The following SLC14A2 variants were observed in gnomAD, a reference collection of about 807,000 sequenced individuals.
The protein encoded by SLC14A2 is urea transporter 2.
SLC14A2 carries 91 observed loss-of-function variants against 104.6 expected under a neutral mutation model. That is an observed-to-expected ratio of 0.87 (90% CI 0.73 to 1.04). The LOEUF is 1.04. SLC14A2 is among the 50% of genes least tolerant of loss of function. The probability of loss-of-function intolerance (pLI) is 0.00; values close to 1 mark genes in which losing one functional copy is unlikely to be tolerated. For synonymous variants in SLC14A2, 476 were observed against 466.4 expected, an observed-to-expected ratio of 1.02 and a Z score of -0.27; for missense variants, 1,189 against 1,156.0, an observed-to-expected ratio of 1.03 and a Z score of -0.41.
At chr18:45,430,104 C>T (rs2086491249) in intron 1 of SLC14A2, among the ~76,000 whole-genome samples, 2 of 152,168 alleles carry the variant, frequency 1.3e-5, no homozygotes, top group South Asian at 4.1e-4. Context: ...CCTTTTTCTT[C>T]AAATGTTTAA....
At chr18:45,593,792 T>G (rs780090532) in intron 2 of SLC14A2, among the ~76,000 whole-genome samples, 11 of 152,212 alleles carry the variant, frequency 7.2e-5, no homozygotes, top group Non-Finnish European at 1.5e-4. Flanking sequence ...CCCTGCCGCA[T>G]TTCCTTAATC....
At chr18:45,199,770 T>C in the SLC14A2 span, among the ~76,000 whole-genome samples, 1 of 152,184 alleles carries the variant, frequency 6.6e-6, no homozygotes, top group Non-Finnish European at 1.5e-5. Flanking sequence ...AGCTGAAGTC[T>C]TCCTTTCATA....
intron 4 of SLC14A2, among the ~76,000 whole-genome samples, chr18:45,629,262 G>A (rs2045308775): frequency 6.6e-6 from 1 of 152,210 alleles, no homozygotes; most frequent in Non-Finnish European, 1.5e-5. Flanking sequence ...TGGCGTTGGA[G>A]GACCACTCAG....
intron 2 of SLC14A2, among the ~76,000 whole-genome samples, chr18:45,492,611 G>A (rs1343804238): frequency 6.6e-6 from 1 of 152,188 alleles, no homozygotes; most frequent in Non-Finnish European, 1.5e-5. Context: ...GGGTCACAGA[G>A]CCAAGCCATA....
intron 1 of SLC14A2, among the ~76,000 whole-genome samples, chr18:45,334,957 T>G (rs2085324946): frequency 6.6e-6 from 1 of 152,254 alleles, no homozygotes. Flanking sequence ...GGTACTGAAG[T>G]GCTCCCACAA....
intron 10 of SLC14A2, among the ~76,000 whole-genome samples, chr18:45,652,585 T>C (rs2045759401): frequency 6.6e-6 from 1 of 152,220 alleles, no homozygotes; most frequent in Non-Finnish European, 1.5e-5. Flanking sequence ...TGGTGGTCAA[T>C]GCAGGCCTCC....
In SLC14A2 at chr18:45,310,809, G is replaced by A. The variant is rs73429912; in HGVS notation, c.-125+97618G>A. ...AGCCAAAGCAGGTCATTGACTGTAG[G>A]AAGAAGCAAGCAGGATGGTGGGGTA... On this transcript the variant is annotated intron_variant, in intron 1 of 20. Coordinates refer to the SLC14A2 transcript ENST00000586448. Among the ~76,000 whole-genome samples, 1,294 of 152,332 alleles carry A rather than the reference G, an allele frequency of 8.5e-3. 21 individuals are homozygous for A. The highest frequency in any genetic ancestry group is 0.029 in the African/African-American group (1,222 of 41,570).
intron 2 of SLC14A2, among the ~76,000 whole-genome samples, chr18:45,531,273 A>C (rs1443120435): frequency 2.0e-5 from 3 of 152,224 alleles, no homozygotes; most frequent in Non-Finnish European, 2.9e-5. Context: ...AGGAATCGCC[A>C]CACTGACTTC....
chr18:45,638,602 C>T (rs1370066084), intron 6 of SLC14A2, among the ~76,000 whole-genome samples: 2 of 152,138 alleles, frequency 1.3e-5, no homozygotes, highest in African/African-American at 4.8e-5. Flanking sequence ...AGCTGGGCAT[C>T]AGTATTTGTT....
At chr18:45,602,945 C>T (rs1238308784) in intron 2 of SLC14A2, among the ~76,000 whole-genome samples, 1 of 152,012 alleles carries the variant, frequency 6.6e-6, no homozygotes, top group Non-Finnish European at 1.5e-5. Flanking sequence ...TTTCCAAAAA[C>T]AAAAATAAAA....
At chr18:45,551,961 A>G (rs2044062673) in intron 2 of SLC14A2, among the ~76,000 whole-genome samples, 2 of 152,134 alleles carry the variant, frequency 1.3e-5, no homozygotes, top group African/African-American at 4.8e-5. Context: ...TTTAAAGTTA[A>G]TTTGCATCTC....
intron 1 of SLC14A2, among the ~76,000 whole-genome samples, chr18:45,422,387 C>G (rs182000683): frequency 1.3e-5 from 2 of 152,188 alleles, no homozygotes; most frequent in African/African-American, 4.8e-5. Context: ...AGAAGAGAGG[C>G]AAATTTGAGT....
intron 1 of SLC14A2, among the ~76,000 whole-genome samples, chr18:45,380,295 C>A (rs971487686): frequency 1.3e-5 from 2 of 152,154 alleles, no homozygotes; most frequent in Non-Finnish European, 2.9e-5. Flanking sequence ...CAAAGACCAT[C>A]AGGAAAATAT....
At chr18:45,297,258 G>C (rs1243474402) in intron 1 of SLC14A2, among the ~76,000 whole-genome samples, 21 of 152,178 alleles carry the variant, frequency 1.4e-4, no homozygotes. Flanking sequence ...GTTTAAAACT[G>C]TGGTTTCTCT....
intron 1 of SLC14A2, among the ~76,000 whole-genome samples, chr18:45,324,420 C>T (rs899029742): frequency 3.9e-5 from 6 of 152,110 alleles, no homozygotes; most frequent in South Asian, 2.1e-4. Flanking sequence ...TATTCCTCCC[C>T]CAAGGACTCT....
intron 1 of SLC14A2, among the ~76,000 whole-genome samples, chr18:45,240,330 C>CG (rs1374112630): frequency 6.6e-6 from 1 of 151,524 alleles, no homozygotes; most frequent in Non-Finnish European, 1.5e-5. Flanking sequence ...CTCCTGACCT[C>CG]GTGATCAGCC....
At chr18:45,349,002 G>A (rs780855461) in intron 1 of SLC14A2, among the ~76,000 whole-genome samples, 19 of 152,300 alleles carry the variant, frequency 1.2e-4, no homozygotes, top group East Asian at 3.9e-4. Context: ...CTCTTGTATC[G>A]GTGATAAACC....
At chr18:45,185,609 C>A in the SLC14A2 span, among the ~76,000 whole-genome samples, 1 of 152,258 alleles carries the variant, frequency 6.6e-6, no homozygotes, top group East Asian at 1.9e-4. Context: ...TACCCTATCA[C>A]TTCTATTCAA....
intron 1 of SLC14A2, among the ~76,000 whole-genome samples, chr18:45,375,162 A>C (rs2085760775): frequency 6.6e-6 from 1 of 152,200 alleles, no homozygotes; most frequent in African/African-American, 2.4e-5. Flanking sequence ...TATAGTTTAA[A>C]ACAAAGACAA....
Sources: gnomAD v4.1 joint callset for allele counts (sites outside exome capture counted in the v4.1 genomes callset) on GRCh38, gnomAD v4.1.1 for gene constraint, MANE v1.5 for transcripts, NCBI Gene and HGNC (gene_info 2026-07-23, HGNC 2026-07-21) for gene names.